Variants in ARHGEF3 observed in about 807,000 individuals in gnomAD.
The protein encoded by ARHGEF3 is 59.8 kDA protein.
ARHGEF3 carries 28 observed loss-of-function variants against 63.2 expected under a neutral mutation model. That is an observed-to-expected ratio of 0.44 (90% confidence interval 0.33 to 0.61). ARHGEF3 has a LOEUF of 0.61. ARHGEF3 is among the 20% of genes least tolerant of loss of function. The probability of loss-of-function intolerance (pLI) is 0.03; values close to 1 mark genes in which losing one functional copy is unlikely to be tolerated. For missense variants in ARHGEF3, 533 were observed against 659.3 expected (o/e 0.81, Z 2.10); for synonymous variants, 266 against 254.2 (o/e 1.05, Z -0.44).
intron 4 of ARHGEF3, among the ~76,000 whole-genome samples, chr3:56,877,693 T>C (rs1324757757): frequency 6.6e-6 from 1 of 152,174 alleles, no homozygotes; most frequent in East Asian, 1.9e-4. Context: ...AAACTGTGTA[T>C]GCTTATATAA....
At chr3:57,064,310 T>C (rs186318995) in intron 1 of ARHGEF3, among the ~76,000 whole-genome samples, 1 of 150,630 alleles carries the variant, frequency 6.6e-6, no homozygotes. Flanking sequence ...AATTCTTTCT[T>C]TTTTTTTTCT....
chr3:56,931,463 C>A (rs974696340), intron 3 of ARHGEF3, among the ~76,000 whole-genome samples: 1 of 150,766 alleles, frequency 6.6e-6, no homozygotes, highest in Admixed American at 6.7e-5. Context: ...GCAGTCCCAG[C>A]TACTAGGGAG....
At chr3:56,795,655 C>CTCTTT (rs57400467) in intron 1 of ARHGEF3, among the ~76,000 whole-genome samples, 17 of 130,540 alleles carry the variant, frequency 1.3e-4, no homozygotes, top group African/African-American at 4.4e-4. Flanking sequence ...GTCTCTCTCT[C>CTCTTT]TTTTTTTTTT....
At chr3:56,916,333 C>G in intron 3 of ARHGEF3, 1 of 1,535,610 alleles carries the variant, frequency 6.5e-7, no homozygotes, top group Non-Finnish European at 8.7e-7. Flanking sequence ...AGAGGCAGCA[C>G]CACACCATGG....
intron 4 of ARHGEF3, among the ~76,000 whole-genome samples, chr3:56,810,758 A>C (rs1422778136): frequency 6.6e-6 from 1 of 152,210 alleles, no homozygotes; most frequent in Non-Finnish European, 1.5e-5. Flanking sequence ...TGTGAAATTG[A>C]CTAAGAAGCT....
chr3:57,025,243 T>C (rs1342735766), intron 2 of ARHGEF3, among the ~76,000 whole-genome samples: 1 of 152,162 alleles, frequency 6.6e-6, no homozygotes, highest in African/African-American at 2.4e-5. Flanking sequence ...TTCGGAGCAA[T>C]GGAGGGACTC....
intron 7 of ARHGEF3, among the ~76,000 whole-genome samples, chr3:56,741,491 T>C (rs2034022837): frequency 7.4e-6 from 1 of 134,388 alleles, no homozygotes; most frequent in Admixed American, 8.1e-5. Flanking sequence ...GCCTCTACAT[T>C]GGTTCTTTTT....
rs189030487 is a variant in ARHGEF3, at chr3:56,868,846, C to T, written c.192+13446G>A. Among the ~76,000 whole-genome samples the T allele has an allele frequency of 8.5e-5, 13 of 152,268 alleles. No individual in the cohort carries two copies. In the East Asian group the frequency reaches 2.5e-3, roughly 29 times the overall value. On this transcript the variant is annotated intron_variant, in intron 4 of 12. Transcript: ENST00000338458. ...TTGTTTCAGAAGCAAGAGTGCAACC[C>T]CCACTTGTCTGCAGATGAATGAGTC...
At chr3:56,800,734 TGTTCGCAGA>T (rs968485145) in intron 1 of ARHGEF3, among the ~76,000 whole-genome samples, 1 of 152,190 alleles carries the variant, frequency 6.6e-6, no homozygotes, top group Non-Finnish European at 1.5e-5. Context: ...TGATGTTTGA[TGTTCGCAGA>T]GTGAGGTGTG....
chr3:56,794,380 C>T (rs188592170), intron 1 of ARHGEF3, among the ~76,000 whole-genome samples: 10 of 150,536 alleles, frequency 6.6e-5, no homozygotes, highest in East Asian at 2.0e-4. Flanking sequence ...CCCAGCTACT[C>T]GGGAGGCTCA....
chr3:56,755,297 T>C lies in ARHGEF3; in HGVS notation c.205-146A>G, dbSNP rs905775950. On this transcript the variant is annotated intron_variant, in intron 2 of 9. Coordinates refer to ENST00000296315, the MANE Select transcript of ARHGEF3 (RefSeq NM_019555.3). ...CACAAGGCCTTTGGGAAGTGGGGCA[T>C]TGTCTTGAGCCTACGTGCTAAGGAA... is the stretch of plus-strand genomic sequence containing the variant. The C allele has an allele frequency of 4.4e-6, 4 of 913,788 alleles. No individual in the cohort carries two copies. The African/African-American group carries it at 5.0e-5, about 11-fold the overall frequency. 56.6% of individuals were successfully genotyped at this position (913,788 alleles called of 1,614,324 possible). A position where few individuals can be genotyped will look rare whatever the true frequency, so the allele number is the denominator to read the frequency against.
At chr3:56,834,231 T>C (rs901040316) in intron 4 of ARHGEF3, among the ~76,000 whole-genome samples, 2 of 152,142 alleles carry the variant, frequency 1.3e-5, no homozygotes, top group East Asian at 1.9e-4. Context: ...CCCAGAGCTA[T>C]ACACATTAAA....
Position 56,779,498 on chromosome 3 carries a change from T to C in ARHGEF3, c.97-5682A>G, listed in dbSNP as rs565857771. The stretch of plus-strand genomic sequence containing the variant: ...AAAGTTTTTTTTTATTTTTTTTTTT[T>C]GTTTGTTTTTTTGAGACGGAGTCTC... On this transcript the variant is annotated intron_variant, in intron 1 of 9. Coordinates refer to ENST00000296315, the MANE Select transcript of ARHGEF3 (RefSeq NM_019555.3). 2.6e-5 allele frequency among the ~76,000 whole-genome samples: 4 copies of C among 151,964 alleles called. No individual in the cohort carries two copies. The East Asian group carries it at 7.7e-4, about 29-fold the overall frequency.
chr3:57,017,431 C>T (rs1432869141), intron 2 of ARHGEF3, among the ~76,000 whole-genome samples: 1 of 152,230 alleles, frequency 6.6e-6, no homozygotes, highest in East Asian at 1.9e-4. Context: ...TGTGGGTTAA[C>T]TGGCACTGCT....
chr3:57,001,956 C>T (rs1415403715), intron 2 of ARHGEF3, among the ~76,000 whole-genome samples: 2 of 115,868 alleles, frequency 1.7e-5, no homozygotes, highest in African/African-American at 6.5e-5. Context: ...CGGAGTCTCA[C>T]TCTGTTGCCC....
chr3:57,052,991 T>TAG (rs1704740165), intron 1 of ARHGEF3, among the ~76,000 whole-genome samples: 2 of 152,162 alleles, frequency 1.3e-5, no homozygotes, highest in African/African-American at 4.8e-5. Context: ...GCAGGTGATG[T>TAG]GCCCAGGCAA....
intron 1 of ARHGEF3, among the ~76,000 whole-genome samples, chr3:57,045,657 G>T (rs1704421941): frequency 6.6e-6 from 1 of 152,172 alleles, no homozygotes; most frequent in Admixed American, 6.5e-5. Context: ...AGGAAACCTA[G>T]GCACAGAAAG....
chr3:56,975,642 C>A, intron 2 of ARHGEF3: 1 of 250,562 alleles, frequency 4.0e-6, no homozygotes, highest in African/African-American at 2.3e-5. Flanking sequence ...TAGTAGGCAT[C>A]AGAGTGGGAT....
intron 1 of ARHGEF3, among the ~76,000 whole-genome samples, chr3:56,783,418 A>G (rs2036653351): frequency 1.3e-5 from 2 of 152,100 alleles, no homozygotes; most frequent in Admixed American, 6.6e-5. Flanking sequence ...TTTTACTACA[A>G]ATTTGGAGAG....
Sources: allele counts gnomAD v4.1 joint callset (sites outside exome capture counted in the v4.1 genomes callset), GRCh38; gene constraint gnomAD v4.1.1; transcripts MANE v1.5; gene names NCBI Gene and HGNC (gene_info 2026-07-23, HGNC 2026-07-21).